SLCO1B1: variants seen among roughly 807,000 people sequenced by gnomAD.
SLCO1B1 encodes the protein solute carrier organic anion transporter family member 1B1, also known as OATP-2.
In SLCO1B1, 81 loss-of-function variants were observed where a neutral mutation model predicts 70.1. That is an observed-to-expected ratio of 1.16 (90% confidence interval 0.97 to 1.39). The LOEUF is 1.39. Among genes scored for constraint, SLCO1B1 ranks in the 40% most tolerant of loss-of-function variants. The probability of loss-of-function intolerance (pLI) is 0.00; values close to 1 mark genes in which losing one functional copy is unlikely to be tolerated. For synonymous variants in SLCO1B1, 283 were observed against 271.5 expected (o/e 1.04, Z -0.42); for missense variants, 895 against 799.6 (o/e 1.12, Z -1.44).
rs751709893 is a variant in SLCO1B1, at chr12:21,179,014, G to T, written c.721G>T (p.Asp241Tyr). ...AATGTACGTGGATATTGGATATGTAGATCTAAGTAAGTACAACCAGAACAA... is the reference window on the plus strand; with the variant it reads ...AATGTACGTGGATATTGGATATGTATATCTAAGTAAGTACAACCAGAACAA... Reference protein sequence around the residue: ...SKMYVDIGYVDLSTIRITPTD... With the variant: ...SKMYVDIGYVYLSTIRITPTD... Residue 241 changes from aspartate to tyrosine, a missense_variant, in exon 7 of 15, where the codon GAT (aspartate) becomes TAT (tyrosine). Asp to Tyr is a radical substitution (Grantham distance 160). Coordinates refer to ENST00000256958, the MANE Select transcript of SLCO1B1 (RefSeq NM_006446.5). 5 of 1,593,974 alleles carry T rather than the reference G, an allele frequency of 3.1e-6. No individual in the cohort carries two copies. In the South Asian group the frequency reaches 3.3e-5, roughly 11 times the overall value.
At chr12:21,135,156 C>T (rs1387420054) in intron 1 of SLCO1B1, among the ~76,000 whole-genome samples, 1 of 152,142 alleles carries the variant, frequency 6.6e-6, no homozygotes, top group African/African-American at 2.4e-5. Flanking sequence ...GAGTGAGTTT[C>T]TTAATCCTGA....
intron 6 of SLCO1B1, 98 bp downstream of exon 6, chr12:21,178,820 T>C (rs1016035675): frequency 1.5e-6 from 2 of 1,342,938 alleles, no homozygotes; most frequent in Non-Finnish European, 2.1e-6. Context: ...TATTAGAACA[T>C]ATATTTGGGT....
At chr12:21,165,893 A>G (rs906127162) in intron 2 of SLCO1B1, among the ~76,000 whole-genome samples, 4 of 152,180 alleles carry the variant, frequency 2.6e-5, no homozygotes, top group African/African-American at 9.6e-5. Context: ...ATAATTTGTG[A>G]TAGCAGTCTG....
intron 2 of SLCO1B1, among the ~76,000 whole-genome samples, chr12:21,144,597 C>A (rs1468528361): frequency 1.3e-5 from 2 of 151,998 alleles, no homozygotes; most frequent in African/African-American, 2.4e-5. Flanking sequence ...TGGTCATCCA[C>A]AAGACACATA....
At chr12:21,174,755 T>C in intron 4 of SLCO1B1, 46 bp downstream of exon 4, 1 of 1,578,886 alleles carries the variant, frequency 6.3e-7, no homozygotes, top group Non-Finnish European at 8.6e-7. Context: ...TATCAGTACC[T>C]TGTAAATTAG....
At chr12:21,233,473 T>G (rs1591752445) in intron 14 of SLCO1B1, among the ~76,000 whole-genome samples, 1 of 151,070 alleles carries the variant, frequency 6.6e-6, no homozygotes, top group Admixed American at 6.6e-5. Context: ...ATCTTCTTGA[T>G]TGAAGAGAAA....
At chr12:21,238,225 A>C (rs1222260313) in intron 14 of SLCO1B1, among the ~76,000 whole-genome samples, 3 of 152,118 alleles carry the variant, frequency 2.0e-5, no homozygotes, top group Non-Finnish European at 4.4e-5. Context: ...TGTTCTATCT[A>C]CTAATAAGCC....
intron 2 of SLCO1B1, among the ~76,000 whole-genome samples, chr12:21,170,623 C>T (rs766268684): frequency 3.2e-4 from 49 of 152,226 alleles, no homozygotes; most frequent in Non-Finnish European, 6.8e-4. Context: ...CTCTGTTGCC[C>T]CTTTCTCCTG....
At chr12:21,150,868 G>A (rs981165295) in intron 2 of SLCO1B1, among the ~76,000 whole-genome samples, 25 of 152,010 alleles carry the variant, frequency 1.6e-4, no homozygotes, top group African/African-American at 5.3e-4. Context: ...ACATATAGTT[G>A]GTTCTTGTTA....
At chr12:21,222,231 A>C in intron 12 of SLCO1B1, 69 bp from the exon 13 acceptor site, 1 of 713,354 alleles carries the variant, frequency 1.4e-6, no homozygotes. Context: ...ACACAGGAGA[A>C]GGTTTAATGT....
chr12:21,219,096 G>A (rs191531773), intron 12 of SLCO1B1, among the ~76,000 whole-genome samples: 1 of 152,308 alleles, frequency 6.6e-6, no homozygotes. Context: ...GGTGGGGAAT[G>A]AAGGAATGAA....
chr12:21,212,358 A>G (rs1350766334), intron 11 of SLCO1B1, among the ~76,000 whole-genome samples: 1 of 98,580 alleles, frequency 1.0e-5, no homozygotes, highest in African/African-American at 4.2e-5. Flanking sequence ...TTCAGTTTCC[A>G]TGTAGTTGAG....
intron 2 of SLCO1B1, among the ~76,000 whole-genome samples, chr12:21,165,760 C>T (rs1274325927): frequency 6.6e-6 from 1 of 152,054 alleles, no homozygotes; most frequent in African/African-American, 2.4e-5. Flanking sequence ...GAGAAGTTAG[C>T]TGTTTGCAGC....
chr12:21,215,159 A>G (rs1741684248), intron 11 of SLCO1B1, among the ~76,000 whole-genome samples: 1 of 152,116 alleles, frequency 6.6e-6, no homozygotes, highest in African/African-American at 2.4e-5. Context: ...CCTATTTGTC[A>G]GTGTTTTATT....
At chr12:21,211,608 A>T (rs566546550) in intron 11 of SLCO1B1, among the ~76,000 whole-genome samples, 1 of 151,998 alleles carries the variant, frequency 6.6e-6, no homozygotes, top group Non-Finnish European at 1.5e-5. Context: ...CTCTTTTTCT[A>T]TTGACTGGAA....
chr12:21,176,470 AC>A (rs2121104392), intron 4 of SLCO1B1, among the ~76,000 whole-genome samples: 1 of 152,232 alleles, frequency 6.6e-6, no homozygotes, highest in East Asian at 1.9e-4. Context: ...ATTAATAATT[AC>A]TTTTTAAAAA....
chr12:21,202,170 G>T (rs1412421215), intron 9 of SLCO1B1, among the ~76,000 whole-genome samples: 1 of 152,070 alleles, frequency 6.6e-6, no homozygotes, highest in African/African-American at 2.4e-5. Flanking sequence ...GAGAACACAT[G>T]GACACAGGGA....
intron 1 of SLCO1B1, among the ~76,000 whole-genome samples, chr12:21,139,113 A>G (rs994361005): frequency 3.9e-5 from 6 of 152,128 alleles, no homozygotes; most frequent in African/African-American, 1.2e-4. Context: ...TGTTAGTAGA[A>G]AGAAAATCGA....
Position 21,179,012 on chromosome 12 carries a change from T to C in SLCO1B1, c.719T>C (p.Val240Ala). ...AAAATGTACGTGGATATTGGATATG[T>C]AGATCTAAGTAAGTACAACCAGAAC... ...FSKMYVDIGY[V>A]DLSTIRITPT... Residue 240 changes from valine (V) to alanine (A), a missense_variant, in exon 7 of 15, where the codon GTA becomes GCA. Coordinates refer to ENST00000256958, the MANE Select transcript of SLCO1B1 (RefSeq NM_006446.5). 2 of 1,592,392 alleles carry C rather than the reference T, an allele frequency of 1.3e-6. No individual in the cohort carries two copies. Among genetic ancestry groups the C allele is most frequent in the Non-Finnish European group, 1.7e-6 (2 of 1,160,612 alleles).
Sources: allele counts gnomAD v4.1 joint callset (sites outside exome capture counted in the v4.1 genomes callset), GRCh38; gene constraint gnomAD v4.1.1; transcripts MANE v1.5; gene names NCBI Gene and HGNC (gene_info 2026-07-23, HGNC 2026-07-21).